DOCK3: variants seen among roughly 807,000 people sequenced by gnomAD.
DOCK3 encodes the protein dedicator of cytokinesis protein 3.
DOCK3 carries 60 observed loss-of-function variants against 265.6 expected under a neutral mutation model. That is an observed-to-expected ratio of 0.23 (90% CI 0.18 to 0.28). The LOEUF is 0.28. Among genes scored for constraint, DOCK3 ranks in the 10% least tolerant of loss-of-function variants. DOCK3 has a pLI of 1.00. For synonymous variants in DOCK3, 881 were observed against 938.0 expected, an observed-to-expected ratio of 0.94 and a Z score of 1.11; for missense variants, 1,981 against 2,594.3, an observed-to-expected ratio of 0.76 and a Z score of 5.14.
chr3:51,378,288 C>T (rs1386891025), intron 51 of DOCK3, among the ~76,000 whole-genome samples: 2 of 152,218 alleles, frequency 1.3e-5, no homozygotes, highest in Non-Finnish European at 2.9e-5. Context: ...CGTTCTGCTG[C>T]AAGCTCACGC....
chr3:50,829,898 CATTT>C (rs1376944987), intron 2 of DOCK3, among the ~76,000 whole-genome samples: 1 of 151,938 alleles, frequency 6.6e-6, no homozygotes, highest in Non-Finnish European at 1.5e-5. Flanking sequence ...TTTTAATGTA[CATTT>C]ATTTATTGGT....
intron 5 of DOCK3, among the ~76,000 whole-genome samples, chr3:50,973,205 GTATACA>G (rs1206182494): frequency 6.9e-6 from 1 of 144,286 alleles, no homozygotes; most frequent in Non-Finnish European, 1.5e-5. Flanking sequence ...AGTTGCATAT[GTATACA>G]TGTGCCACGC....
At chr3:50,891,940 G>C (rs1047744580) in intron 4 of DOCK3, among the ~76,000 whole-genome samples, 1 of 152,106 alleles carries the variant, frequency 6.6e-6, no homozygotes, top group African/African-American at 2.4e-5. Context: ...CAGGAAAGTA[G>C]AAGTGATGTG....
chr3:50,718,024 T>G (rs894957442), intron 1 of DOCK3, among the ~76,000 whole-genome samples: 1 of 152,216 alleles, frequency 6.6e-6, no homozygotes, highest in African/African-American at 2.4e-5. Flanking sequence ...TATCAGAATA[T>G]CTAAATGATA....
intron 5 of DOCK3, among the ~76,000 whole-genome samples, chr3:50,937,942 C>G (rs1293165364): frequency 6.6e-6 from 1 of 151,122 alleles, no homozygotes; most frequent in Non-Finnish European, 1.5e-5. Flanking sequence ...CAGAATTGTA[C>G]AATTAAAAAA....
At chr3:51,347,670 G>A (rs542647798) in intron 38 of DOCK3, among the ~76,000 whole-genome samples, 4 of 152,260 alleles carry the variant, frequency 2.6e-5, no homozygotes, top group Admixed American at 2.0e-4. Context: ...TTCCAATTCT[G>A]TGAAGAAAGT....
At chr3:51,351,500 A>G (rs1014290608) in intron 40 of DOCK3, among the ~76,000 whole-genome samples, 3 of 152,182 alleles carry the variant, frequency 2.0e-5, no homozygotes, top group Non-Finnish European at 4.4e-5. Flanking sequence ...TTGGGCAGTA[A>G]TCATTCTAGG....
chr3:51,306,746 G>A (rs931067380), intron 27 of DOCK3, among the ~76,000 whole-genome samples: 3 of 151,940 alleles, frequency 2.0e-5, no homozygotes, highest in African/African-American at 7.3e-5. Flanking sequence ...ATTTATATTC[G>A]GTGTACTTTA....
At chr3:50,991,488 G>A (rs2078101787) in intron 5 of DOCK3, among the ~76,000 whole-genome samples, 1 of 152,104 alleles carries the variant, frequency 6.6e-6, no homozygotes, top group Non-Finnish European at 1.5e-5. Context: ...GATTTAAAAA[G>A]TCAAGGGCAT....
chr3:51,123,012 C>G (rs956197663), intron 9 of DOCK3, among the ~76,000 whole-genome samples: 2 of 152,242 alleles, frequency 1.3e-5, no homozygotes, highest in Admixed American at 6.5e-5. Context: ...AAGACCCACT[C>G]TGATAACAGT....
chr3:50,764,686 G>A (rs1208412235), intron 1 of DOCK3, among the ~76,000 whole-genome samples: 1 of 152,130 alleles, frequency 6.6e-6, no homozygotes, highest in African/African-American at 2.4e-5. Context: ...ACACATACCT[G>A]TAGTTCCAGC....
At chr3:50,678,199 T>C (rs2034128187) in intron 1 of DOCK3, among the ~76,000 whole-genome samples, 1 of 152,218 alleles carries the variant, frequency 6.6e-6, no homozygotes, top group South Asian at 2.1e-4. Flanking sequence ...TGTTCTTTAC[T>C]GTACCCGTTC....
At chr3:50,710,503 T>A (rs2036690054) in intron 1 of DOCK3, among the ~76,000 whole-genome samples, 2 of 152,098 alleles carry the variant, frequency 1.3e-5, no homozygotes, top group African/African-American at 4.8e-5. Flanking sequence ...TAAAAAATAA[T>A]AATAAAAAGA....
chr3:51,051,887 C>T (rs141535109), intron 5 of DOCK3, among the ~76,000 whole-genome samples: 1 of 152,122 alleles, frequency 6.6e-6, no homozygotes, highest in African/African-American at 2.4e-5. Context: ...AGGTGCCATA[C>T]ACTTTTAAAC....
chr3:50,934,195 T>C lies in DOCK3; in HGVS notation c.315+118T>C, dbSNP rs1311904352. On this transcript the variant is annotated intron_variant, in intron 5 of 52. Transcript: ENST00000266037. ...GAATATTTGCAGTTTATCAAACATA[T>C]GTTCTTAATATTTACTGAAACATAG... The C allele has an allele frequency of 5.5e-6, 4 of 726,684 alleles. No individual in the cohort carries two copies. The East Asian group carries it at 1.1e-4, about 20-fold the overall frequency. The allele number at this position is 726,684 out of a possible 1,614,324, so 45.0% of individuals were successfully genotyped here. A position where few individuals can be genotyped will look rare whatever the true frequency, so the allele number is the denominator to read the frequency against.
At chr3:50,922,267 C>A (rs1040958312) in intron 4 of DOCK3, among the ~76,000 whole-genome samples, 1 of 152,254 alleles carries the variant, frequency 6.6e-6, no homozygotes, top group South Asian at 2.1e-4. Context: ...AGACGCCCCT[C>A]CCCTGGCCTC....
At chr3:51,107,970 T>C (rs2083357682) in intron 9 of DOCK3, among the ~76,000 whole-genome samples, 1 of 151,450 alleles carries the variant, frequency 6.6e-6, no homozygotes, top group African/African-American at 2.4e-5. Flanking sequence ...GGGAAGCCCA[T>C]CAAACAAATA....
At chr3:50,836,607 C>T (rs745500890) in intron 2 of DOCK3, among the ~76,000 whole-genome samples, 1 of 152,142 alleles carries the variant, frequency 6.6e-6, no homozygotes, top group Non-Finnish European at 1.5e-5. Flanking sequence ...CCCTCCTAGG[C>T]GTCTGGGCCT....
chr3:50,991,185 A>T (rs188783296), intron 5 of DOCK3, among the ~76,000 whole-genome samples: 73 of 152,340 alleles, frequency 4.8e-4, no homozygotes, highest in African/African-American at 1.7e-3. Flanking sequence ...AAAGGAGCAC[A>T]CAAACAAGCC....
Sources: gnomAD v4.1 joint callset for allele counts (sites outside exome capture counted in the v4.1 genomes callset) on GRCh38, gnomAD v4.1.1 for gene constraint, MANE v1.5 for transcripts, NCBI Gene and HGNC (gene_info 2026-07-23, HGNC 2026-07-21) for gene names.